Variants in PLEKHG4B observed in about 807,000 individuals in gnomAD.
PLEKHG4B encodes the protein pleckstrin homology domain-containing family G member 4B.
In PLEKHG4B, 111 loss-of-function variants were observed where a neutral mutation model predicts 121.3. The observed-to-expected ratio is 0.92, with a 90% CI of 0.78 to 1.07. The LOEUF (loss-of-function observed/expected upper bound fraction) is 1.07. PLEKHG4B is among the 50% of genes least tolerant of loss of function. PLEKHG4B has a pLI of 0.00. For synonymous variants in PLEKHG4B, 738 were observed against 725.0 expected (o/e 1.02, Z -0.29); for missense variants, 1,831 against 1,757.8 (o/e 1.04, Z -0.74).
chr5:178,873 C>T (rs887000916), intron 18 of PLEKHG4B, among the ~76,000 whole-genome samples: 2 of 152,258 alleles, frequency 1.3e-5, no homozygotes, highest in East Asian at 3.8e-4. Flanking sequence ...AACCTACACA[C>T]ATGCTCCTAT....
chr5:95,021 T>C (rs987121934), intron 1 of PLEKHG4B, among the ~76,000 whole-genome samples: 31 of 152,240 alleles, frequency 2.0e-4, no homozygotes, highest in African/African-American at 7.0e-4. Flanking sequence ...AATTGAAAGC[T>C]GCCTATGTCG....
In PLEKHG4B at chr5:113,119, A is replaced by T; in HGVS notation, c.46-132A>T. The T allele has an allele frequency of 2.5e-6, 1 of 397,834 alleles. No homozygotes were observed. The highest frequency in any genetic ancestry group is 4.4e-6 in the Non-Finnish European group (1 of 225,878). The allele number at this position is 397,834 out of a possible 1,614,324, so 24.6% of individuals were successfully genotyped here. A position where few individuals can be genotyped will look rare whatever the true frequency, so the allele number is the denominator to read the frequency against. Reference sequence around the variant, plus strand: ...TTCGCCTGCACATTTTGTCTTTCTCAGTTAACTCACATCATGCCAGACACA... The same window carrying T: ...TTCGCCTGCACATTTTGTCTTTCTCTGTTAACTCACATCATGCCAGACACA... On this transcript the variant is annotated intron_variant, in intron 1 of 19. Transcript: ENST00000637938. The surrounding 1 kb of genome is among the most constrained non-coding windows in gnomAD (Gnocchi z 5.2).
chr5:127,152 C>A (rs1271615540), intron 2 of PLEKHG4B, among the ~76,000 whole-genome samples: 1 of 152,108 alleles, frequency 6.6e-6, no homozygotes, highest in Non-Finnish European at 1.5e-5. Flanking sequence ...CAGCATTCAC[C>A]TGTATGAGCT....
At chr5:114,495 T>A (rs866681796) in intron 2 of PLEKHG4B, among the ~76,000 whole-genome samples, 1 of 152,160 alleles carries the variant, frequency 6.6e-6, no homozygotes, top group Non-Finnish European at 1.5e-5. Flanking sequence ...TCTTGCTCTG[T>A]CACCCAGGCT....
intron 6 of PLEKHG4B, among the ~76,000 whole-genome samples, chr5:148,358 T>TA (rs1268161755): frequency 3.5e-4 from 50 of 141,090 alleles, no homozygotes; most frequent in Middle Eastern, 3.5e-3. Flanking sequence ...AAAAAAAAAA[T>TA]AAATAAAAAT....
Position 185,755 on chromosome 5 carries a change from G to C in PLEKHG4B, c.*3432G>C, listed in dbSNP as rs1326900816. 1 of 152,540 alleles carries C rather than the reference G, an allele frequency of 6.6e-6. No individual in the cohort carries two copies. Among genetic ancestry groups the C allele is most frequent in the Non-Finnish European group, 1.5e-5 (1 of 68,236 alleles). 9.4% of individuals were successfully genotyped at this position (152,540 alleles called of 1,614,324 possible). A position where few individuals can be genotyped will look rare whatever the true frequency, so the allele number is the denominator to read the frequency against. On this transcript the variant is annotated 3_prime_UTR_variant, in exon 20 of 20. Coordinates refer to ENST00000637938, the MANE Select transcript of PLEKHG4B (RefSeq NM_052909.5). ...CAAGGCTGGGGATATGCCCAGGCCAGCAGGGCCAGCAGGAGTGACTGCGCC... is the reference window on the plus strand; with the variant it reads ...CAAGGCTGGGGATATGCCCAGGCCACCAGGGCCAGCAGGAGTGACTGCGCC...
chr5:135,665 C>CAAAAAAAAAAAAAAAAAAA (rs139636561), intron 2 of PLEKHG4B, among the ~76,000 whole-genome samples: 1 of 18,126 alleles, frequency 5.5e-5, no homozygotes, highest in African/African-American at 2.8e-4. Context: ...GACTCCATCT[C>CAAAAAAAAAAAAAAAAAAA]AAAAAAAAAA....
At chr5:127,339 T>TTTTA (rs1734648425) in intron 2 of PLEKHG4B, among the ~76,000 whole-genome samples, 2 of 129,110 alleles carry the variant, frequency 1.5e-5, no homozygotes, top group East Asian at 2.2e-4. Flanking sequence ...TATTGTTGGT[T>TTTTA]TTTATTATTA....
chr5:165,497 C>G (rs1318910949), intron 13 of PLEKHG4B, among the ~76,000 whole-genome samples: 8 of 37,290 alleles, frequency 2.1e-4, no homozygotes, highest in Admixed American at 1.2e-3. Flanking sequence ...CACTAATGCT[C>G]TGACGGGGCG....
rs968488890 is a variant in PLEKHG4B, at chr5:186,213, A to C, written c.*3890A>C. On this transcript the variant is annotated 3_prime_UTR_variant, in exon 20 of 20. Coordinates refer to ENST00000637938, the MANE Select transcript of PLEKHG4B (RefSeq NM_052909.5). Reference sequence around the variant, plus strand: ...AGAAGAGGCCCACCGAGTTACGTCCACACCAGCTGGCCCTGGGCACCTCTC... The same window carrying C: ...AGAAGAGGCCCACCGAGTTACGTCCCCACCAGCTGGCCCTGGGCACCTCTC... 1 of 152,184 alleles carries C rather than the reference A, an allele frequency of 6.6e-6. No homozygotes were observed. Among genetic ancestry groups the C allele is most frequent in the African/African-American group, 2.4e-5 (1 of 41,422 alleles). 9.4% of individuals were successfully genotyped at this position (152,184 alleles called of 1,614,324 possible).
intron 3 of PLEKHG4B, among the ~76,000 whole-genome samples, chr5:141,602 C>T (rs562804354): frequency 6.6e-6 from 1 of 151,892 alleles, no homozygotes; most frequent in South Asian, 2.1e-4. Flanking sequence ...CAACTGGAGG[C>T]CACATTCACA....
At chr5:165,110 G>A (rs927418827) in intron 13 of PLEKHG4B, among the ~76,000 whole-genome samples, 8 of 28,304 alleles carry the variant, frequency 2.8e-4, no homozygotes, top group Non-Finnish European at 5.0e-4. Context: ...ATGCTGTGAC[G>A]GGGCGGAGCT....
At chr5:98,479 G>C (rs1733693714) in intron 1 of PLEKHG4B, among the ~76,000 whole-genome samples, 1 of 117,408 alleles carries the variant, frequency 8.5e-6, no homozygotes, top group Admixed American at 1.2e-4. Context: ...TCTGTCGCCA[G>C]GCTGGAGTGC....
At chr5:95,219 G>A (rs1054418535) in intron 1 of PLEKHG4B, among the ~76,000 whole-genome samples, 6 of 152,200 alleles carry the variant, frequency 3.9e-5, no homozygotes, top group Non-Finnish European at 7.3e-5. Flanking sequence ...TTACCTTTCT[G>A]AGGCTGACAC....
chr5:164,681 G>GCTCACACAGTAATGCTCTGAC (rs1736207935), intron 13 of PLEKHG4B, among the ~76,000 whole-genome samples: 1 of 66,508 alleles, frequency 1.5e-5, no homozygotes, highest in African/African-American at 4.5e-5. Context: ...TACTCTGACA[G>GCTCACACAGTAATGCTCTGAC]GGGGCGGAGC....
chr5:116,354 C>A (rs1048068908), intron 2 of PLEKHG4B, among the ~76,000 whole-genome samples: 6 of 152,116 alleles, frequency 3.9e-5, no homozygotes, highest in Admixed American at 3.9e-4. Flanking sequence ...GATTATAGAT[C>A]ATCATAACAG....
At chr5:173,416 C>T (rs1736637258) in intron 17 of PLEKHG4B, among the ~76,000 whole-genome samples, 1 of 152,060 alleles carries the variant, frequency 6.6e-6, no homozygotes, top group Non-Finnish European at 1.5e-5. Context: ...TGCTGATGCA[C>T]CACGTTGGGC....
At chr5:169,711 G>A (rs569670523) in intron 14 of PLEKHG4B, 119 bp downstream of exon 14, 1 of 1,443,994 alleles carries the variant, frequency 6.9e-7, no homozygotes, top group African/African-American at 1.4e-5. Flanking sequence ...CCAGGTCTAG[G>A]AGCTGGTCCT....
chr5:140,862 A>G (rs1579279104), intron 3 of PLEKHG4B, 146 bp downstream of exon 3: 4 of 344,420 alleles, frequency 1.2e-5, no homozygotes, highest in African/African-American at 1.3e-4. Flanking sequence ...GCACACCCCC[A>G]CCCTCTCCCC....
Sources: gnomAD v4.1 joint callset for allele counts (sites outside exome capture counted in the v4.1 genomes callset) on GRCh38, gnomAD v4.1.1 for gene constraint, Gnocchi (gnomAD v3.1) non-coding constraint, MANE v1.5 for transcripts, NCBI Gene and HGNC (gene_info 2026-07-23, HGNC 2026-07-21) for gene names.